Variants in NUP188 observed in about 807,000 individuals in gnomAD.
NUP188 encodes the protein nucleoporin 188.
NUP188 carries 97 observed loss-of-function variants against 223.0 expected under a neutral mutation model. That is an observed-to-expected ratio of 0.43 (90% CI 0.37 to 0.51). The LOEUF is 0.51. Ranked by LOEUF, NUP188 falls within the 20% of genes least tolerant of loss-of-function variation. The probability of loss-of-function intolerance (pLI) is 0.00; values close to 1 mark genes in which losing one functional copy is unlikely to be tolerated. For missense variants in NUP188, 1,947 were observed against 2,175.6 expected (o/e 0.89, Z 2.09); for synonymous variants, 869 against 828.0 (o/e 1.05, Z -0.85).
chr9:128,953,481 T>C (rs1027785418), intron 3 of NUP188, among the ~76,000 whole-genome samples: 5 of 152,190 alleles, frequency 3.3e-5, no homozygotes, highest in Non-Finnish European at 5.9e-5. Context: ...CCTTCTACTT[T>C]TGTACTGCTT....
chr9:128,981,127 C>T (rs777645294), intron 14 of NUP188, 137 bp from the exon 15 acceptor site: 39 of 1,006,416 alleles, frequency 3.9e-5, no homozygotes, highest in South Asian at 1.4e-4. Context: ...TGGCGAGGGG[C>T]GCAGAAGGCA....
intron 22 of NUP188, among the ~76,000 whole-genome samples, chr9:128,987,120 T>A (rs1387372565): frequency 6.6e-6 from 1 of 151,708 alleles, no homozygotes; most frequent in Non-Finnish European, 1.5e-5. Flanking sequence ...TGTGTGTGTG[T>A]GTGTGTGTGT....
intron 2 of NUP188, among the ~76,000 whole-genome samples, chr9:128,950,683 A>T (rs933971789): frequency 2.0e-5 from 3 of 152,124 alleles, no homozygotes; most frequent in African/African-American, 4.8e-5. Context: ...TCTACAAAAA[A>T]TTTTTTAAAA....
intron 21 of NUP188, 53 bp from the exon 22 acceptor site, chr9:128,986,756 T>C (rs901035049): frequency 1.2e-6 from 2 of 1,612,394 alleles, no homozygotes; most frequent in South Asian, 1.1e-5. Flanking sequence ...TTTCTTGAGA[T>C]AAGGGGTCAT....
chr9:128,951,822 C>T (rs1465187833), intron 2 of NUP188, among the ~76,000 whole-genome samples: 4 of 139,060 alleles, frequency 2.9e-5, no homozygotes, highest in East Asian at 2.1e-4. Context: ...GACGGAGTTT[C>T]GTGCTTGTTG....
At chr9:128,995,250 A>G (rs1208161416) in intron 29 of NUP188, 69 bp from the exon 30 acceptor site, 9 of 1,305,756 alleles carry the variant, frequency 6.9e-6, no homozygotes, top group Non-Finnish European at 8.8e-6. Flanking sequence ...TGCCTCAACA[A>G]GGGTCTGTAC....
At chr9:128,965,514 G>T (rs931674706) in intron 8 of NUP188, among the ~76,000 whole-genome samples, 1 of 151,968 alleles carries the variant, frequency 6.6e-6, no homozygotes, top group Admixed American at 6.6e-5. Context: ...GTGCAGTGGC[G>T]CATTCTTGGC....
rs147189441 is a variant in NUP188, at chr9:128,959,040, A to T, written c.491A>T (p.Lys164Ile). Reference sequence around the variant, plus strand: ...GTTGAATATGCAGACTGTGTTGATAAATTGGAGAAGGAACTAGTTTCAAAA... The same window carrying T: ...GTTGAATATGCAGACTGTGTTGATATATTGGAGAAGGAACTAGTTTCAAAA... ...YRVEYADCVD[K>I]LEKELVSKYR... The change falls in exon 8 of 44, where the codon AAA (lysine) becomes ATA (isoleucine). Residue 164 changes from lysine to isoleucine, a missense_variant. Physicochemically the swap from Lys to Ile is moderately radical, Grantham distance 102. This residue lies in a region of NUP188 where 817 missense variants were observed against 865.8 expected (regional missense o/e 0.94). Coordinates refer to ENST00000372577, the MANE Select transcript of NUP188 (RefSeq NM_015354.3). 4.4e-6 allele frequency: 7 copies of T among 1,591,942 alleles called. No individual in the cohort carries two copies. The African/African-American group carries it at 9.4e-5, about 21-fold the overall frequency.
At chr9:128,980,252 C>T (rs888997904) in intron 13 of NUP188, among the ~76,000 whole-genome samples, 2 of 152,122 alleles carry the variant, frequency 1.3e-5, no homozygotes, top group Non-Finnish European at 2.9e-5. Context: ...GAAACAGTAT[C>T]TAGAGTGAGG....
intron 25 of NUP188, 41 bp downstream of exon 25, chr9:128,990,267 G>T (rs781478205): frequency 2.0e-6 from 3 of 1,501,560 alleles, no homozygotes; most frequent in Admixed American, 1.7e-5. Context: ...TTATATGAGG[G>T]TGTTTTTTTC....
intron 15 of NUP188, 34 bp from the exon 16 acceptor site, chr9:128,982,515 T>C (rs775941016): frequency 7.6e-6 from 12 of 1,571,432 alleles, no homozygotes; most frequent in Non-Finnish European, 1.0e-5. Flanking sequence ...TTATTTATCC[T>C]CAGATATTAG....
At position 128,959,031 on chromosome 9, in the gene NUP188, G is replaced by C; in HGVS notation, c.482G>C (p.Cys161Ser). ...RHPYRVEYAD[C>S]VDKLEKELVS... ...TTTTTAAAGGTTGAATATGCAGACT[G>C]TGTTGATAAATTGGAGAAGGAACTA... Residue 161 changes from cysteine to serine, a missense_variant, in exon 8 of 44, where the codon TGT becomes TCT. This residue lies in a region of NUP188 where 817 missense variants were observed against 865.8 expected (regional missense o/e 0.94). Coordinates refer to ENST00000372577, the MANE Select transcript of NUP188 (RefSeq NM_015354.3). 1 of 1,587,030 alleles carries C rather than the reference G, an allele frequency of 6.3e-7. No homozygotes were observed. Among genetic ancestry groups the C allele is most frequent in the Non-Finnish European group, 8.6e-7 (1 of 1,161,408 alleles).
intron 8 of NUP188, among the ~76,000 whole-genome samples, chr9:128,967,633 G>GA (rs1277451392): frequency 6.6e-6 from 1 of 151,796 alleles, no homozygotes; most frequent in Admixed American, 6.6e-5. Context: ...CTACTAAAAA[G>GA]AAAAAAATCA....
chr9:128,982,855 T>C, intron 16 of NUP188, 47 bp from the exon 17 acceptor site: 1 of 1,612,002 alleles, frequency 6.2e-7, no homozygotes, highest in South Asian at 1.1e-5. Context: ...TTCAGTGATC[T>C]TAAAGGGGTT....
intron 25 of NUP188, among the ~76,000 whole-genome samples, chr9:128,992,196 C>T (rs756757492): frequency 1.3e-5 from 2 of 151,674 alleles, no homozygotes; most frequent in Admixed American, 6.6e-5. Flanking sequence ...GCGCCCAGCC[C>T]TTCCTGGTAC....
chr9:128,973,177 A>G lies in NUP188; in HGVS notation c.1131A>G (p.Ala377=), dbSNP rs575338206. The G allele has an allele frequency of 3.1e-6, 5 of 1,613,140 alleles. No individual in the cohort carries two copies. The highest frequency in any genetic ancestry group is 2.7e-5 in the African/African-American group (2 of 74,996). ...SGGNDCTTST[A]CMCVYGLLSF... is the part of the protein sequence containing the mutation. ...CATTCCAGTGCACCACCAGCACTGC[A>G]TGCATGTGTGTCTATGGACTGCTCT... The change falls in exon 12 of 44, where the codon GCA becomes GCG. Residue 377 remains alanine, a synonymous_variant. Transcript: ENST00000372577.
At position 129,005,302 on chromosome 9, in the gene NUP188, G is replaced by T. The variant is rs767496683; in HGVS notation, c.4510-1G>T. The T allele has an allele frequency of 5.6e-6, 9 of 1,613,856 alleles. No individual in the cohort carries two copies. In the Admixed American group the frequency reaches 1.3e-4, roughly 24 times the overall value. On this transcript the variant is annotated splice_acceptor_variant, in intron 39 of 43. Transcript: ENST00000372577. LOFTEE classifies it high-confidence loss of function. ...CACCTTCATTTCTTGACTCTCCTTAGAACAAAAATGGGGATGGCCTCCCCT... is the reference window on the plus strand; with the variant it reads ...CACCTTCATTTCTTGACTCTCCTTATAACAAAAATGGGGATGGCCTCCCCT...
Position 128,987,625 on chromosome 9 carries a change from C to T in NUP188, c.2301C>T (p.Ser767=), listed in dbSNP as rs1842356352. Residue 767 remains serine, a synonymous_variant, in exon 23 of 44, where the codon AGC becomes AGT. Transcript: ENST00000372577. ...TPSLQFLCIC[S]LAYTEAGQTV... ...GCCTGCAGTTTCTCTGCATCTGCAGCCTGGCATACACAGAAGCAGGACAGA... is the reference window on the plus strand; with the variant it reads ...GCCTGCAGTTTCTCTGCATCTGCAGTCTGGCATACACAGAAGCAGGACAGA... 6.2e-7 allele frequency: 1 copy of T among 1,613,666 alleles called. No homozygotes were observed. The highest frequency in any genetic ancestry group is 1.3e-5 in the African/African-American group (1 of 74,910).
At chr9:128,991,606 C>T (rs996538078) in intron 25 of NUP188, among the ~76,000 whole-genome samples, 1 of 151,424 alleles carries the variant, frequency 6.6e-6, no homozygotes, top group African/African-American at 2.4e-5. Context: ...CTCTGGGAGG[C>T]CCAGGTGGGT....
Sources: gnomAD v4.1 joint callset for allele counts (sites outside exome capture counted in the v4.1 genomes callset) on GRCh38, gnomAD v4.1.1 for gene constraint, gnomAD v4.1.1 regional missense constraint, MANE v1.5 for transcripts, NCBI Gene and HGNC (gene_info 2026-07-23, HGNC 2026-07-21) for gene names.